Variants in MYO1E observed in about 807,000 individuals in gnomAD.
MYO1E encodes unconventional myosin-Ie.
A neutral mutation model predicts 151.1 loss-of-function variants in MYO1E; 68 were observed. The ratio of observed to expected loss-of-function variants is 0.45; its 90% CI spans 0.37 to 0.55. The LOEUF (loss-of-function observed/expected upper bound fraction) is 0.55, where lower values mean the gene tolerates loss of function less well. Among genes scored for constraint, MYO1E ranks in the 20% least tolerant of loss-of-function variants. The probability of loss-of-function intolerance (pLI) is 0.00; values close to 1 mark genes in which losing one functional copy is unlikely to be tolerated. For synonymous variants in MYO1E, 601 were observed against 501.7 expected (o/e 1.20, Z -2.64); for missense variants, 1,363 against 1,389.3 (o/e 0.98, Z 0.30).
intron 23 of MYO1E, among the ~76,000 whole-genome samples, chr15:59,161,646 G>A (rs577524764): frequency 1.3e-5 from 2 of 152,174 alleles, no homozygotes; most frequent in African/African-American, 4.8e-5. Context: ...GCCAGACACA[G>A]GCCAGCTTGA....
At chr15:59,150,363 A>G (rs1295464177) in intron 26 of MYO1E, among the ~76,000 whole-genome samples, 1 of 152,240 alleles carries the variant, frequency 6.6e-6, no homozygotes, top group Non-Finnish European at 1.5e-5. Context: ...GAGGGCTGGA[A>G]GGGAGCAGCC....
chr15:59,301,238 T>C (rs563960461), intron 1 of MYO1E, among the ~76,000 whole-genome samples: 15 of 152,338 alleles, frequency 9.8e-5, no homozygotes, highest in Admixed American at 7.8e-4. Context: ...TCCTAATTAA[T>C]GTCTCCACTC....
intron 1 of MYO1E, among the ~76,000 whole-genome samples, chr15:59,303,974 T>TTTTC (rs1235419670): frequency 1.3e-5 from 2 of 149,984 alleles, no homozygotes; most frequent in Non-Finnish European, 3.0e-5. Flanking sequence ...TTTCATTTTC[T>TTTTC]TTTCTTTCTT....
At position 59,217,213 on chromosome 15, in the gene MYO1E, G is replaced by A. The variant is rs149820846; in HGVS notation, c.1107+678C>T. Among the ~76,000 whole-genome samples, 999 of 152,292 alleles carry A rather than the reference G, an allele frequency of 6.6e-3. 3 individuals are homozygous for A. Among genetic ancestry groups the A allele is most frequent in the Non-Finnish European group, 8.4e-3 (574 of 68,026 alleles). ...AAATAAGTGCTTATGGTTTCAAGCCGCTAGGTTTTGGGTTAATTTGTAACA... is the reference window on the plus strand; with the variant it reads ...AAATAAGTGCTTATGGTTTCAAGCCACTAGGTTTTGGGTTAATTTGTAACA... On this transcript the variant is annotated intron_variant, in intron 10 of 27. Coordinates refer to ENST00000288235, the MANE Select transcript of MYO1E (RefSeq NM_004998.4).
At chr15:59,144,410 G>A (rs1480523064) in intron 26 of MYO1E, among the ~76,000 whole-genome samples, 9 of 151,680 alleles carry the variant, frequency 5.9e-5, no homozygotes, top group Non-Finnish European at 8.8e-5. Flanking sequence ...CAAGTGATCC[G>A]CCCGCCTCAG....
chr15:59,314,961 A>G (rs1355800082), intron 1 of MYO1E, among the ~76,000 whole-genome samples: 3 of 152,076 alleles, frequency 2.0e-5, no homozygotes, highest in Non-Finnish European at 4.4e-5. Context: ...ATTTTTCTAG[A>G]GAAGCTGGAA....
At chr15:59,270,138 T>G (rs184109248) in intron 2 of MYO1E, among the ~76,000 whole-genome samples, 291 of 152,324 alleles carry the variant, frequency 1.9e-3, no homozygotes, top group Admixed American at 3.9e-3. Flanking sequence ...AATAACGTAA[T>G]GTATATTTCA....
At chr15:59,145,551 T>A (rs947009499) in intron 26 of MYO1E, among the ~76,000 whole-genome samples, 5 of 152,112 alleles carry the variant, frequency 3.3e-5, no homozygotes, top group African/African-American at 1.2e-4. Flanking sequence ...CAAGCCCGGC[T>A]AATTTTTCTT....
chr15:59,195,629 G>A (rs1246609324), intron 16 of MYO1E, 62 bp from the exon 17 acceptor site: 11 of 1,410,424 alleles, frequency 7.8e-6, no homozygotes, highest in Middle Eastern at 1.8e-4. Flanking sequence ...AAATTTCAAA[G>A]GAGACTTGTA....
rs748877847 is a variant in MYO1E at position 59,217,932 on chromosome 15, C to T, written c.1066G>A (p.Ala356Thr). 8 of 1,614,062 alleles carry T rather than the reference C, an allele frequency of 5.0e-6. No individual in the cohort carries two copies. Among genetic ancestry groups the T allele is most frequent in the Admixed American group, 3.3e-5 (2 of 60,004 alleles). Residue 356 changes from alanine to threonine, a missense_variant, in exon 10 of 28, where the codon GCC becomes ACC. Physicochemically the swap from Ala to Thr is moderately conservative, Grantham distance 58. Transcript: ENST00000288235. Reference protein sequence around the residue: ...EQACYTRDALAKALHARVFDF... With the variant: ...EQACYTRDALTKALHARVFDF... Reference sequence around the variant, plus strand: ...AAGACCCGGGCGTGCAGGGCCTTGGCGAGCGCATCCCGGGTGTAACAGGCC... The same window carrying T: ...AAGACCCGGGCGTGCAGGGCCTTGGTGAGCGCATCCCGGGTGTAACAGGCC...
At chr15:59,149,592 C>T (rs921188928) in intron 26 of MYO1E, among the ~76,000 whole-genome samples, 14 of 152,296 alleles carry the variant, frequency 9.2e-5, no homozygotes, top group South Asian at 6.2e-4. Context: ...TTAGTGAAAT[C>T]TTCATGCTCT....
chr15:59,259,665 G>A (rs1403325813), intron 3 of MYO1E, among the ~76,000 whole-genome samples: 1 of 152,202 alleles, frequency 6.6e-6, no homozygotes, highest in Non-Finnish European at 1.5e-5. Flanking sequence ...TGGGCAGTGG[G>A]GGAAAGTCAT....
At chr15:59,202,261 G>T in intron 16 of MYO1E, 65 bp downstream of exon 16, 1 of 1,445,666 alleles carries the variant, frequency 6.9e-7, no homozygotes. Context: ...CAGGGGTGCA[G>T]TTCCTTACTC....
At chr15:59,142,112 A>G (rs2079413752) in intron 26 of MYO1E, among the ~76,000 whole-genome samples, 1 of 152,134 alleles carries the variant, frequency 6.6e-6, no homozygotes, top group Non-Finnish European at 1.5e-5. Context: ...ATCCCAAAAA[A>G]AAAAAAATTT....
In MYO1E at chr15:59,224,798, T is replaced by C. The variant is rs776188261; in HGVS notation, c.668A>G (p.Gln223Arg). Residue 223 changes from glutamine (Q) to arginine (R), a missense_variant, in exon 8 of 28, where the codon CAG (glutamine) becomes CGG (arginine). Coordinates refer to ENST00000288235, the MANE Select transcript of MYO1E (RefSeq NM_004998.4). ...GCTGGTGATGCCAAGGCTGTGTTTC[T>C]GCTCTGCAGAGGCGCCCTCGATGAG... ...YQLIEGASAE[Q>R]KHSLGITSMD... The C allele has an allele frequency of 8.7e-6, 14 of 1,614,124 alleles. No individual in the cohort carries two copies. Among genetic ancestry groups the C allele is most frequent in the Non-Finnish European group, 1.2e-5 (14 of 1,180,052 alleles).
At chr15:59,139,540 A>C in intron 26 of MYO1E, among the ~76,000 whole-genome samples, 2 of 126,894 alleles carry the variant, frequency 1.6e-5, no homozygotes, top group Non-Finnish European at 1.6e-5. Context: ...CCTCATTATT[A>C]CTCCTCAGAC....
intron 1 of MYO1E, among the ~76,000 whole-genome samples, chr15:59,306,271 A>C (rs1183495452): frequency 6.6e-6 from 1 of 152,212 alleles, no homozygotes; most frequent in Admixed American, 6.5e-5. Context: ...ACCTGATTGT[A>C]TATTTCTGTG....
chr15:59,219,055 C>G (rs2079937692), intron 9 of MYO1E, among the ~76,000 whole-genome samples: 1 of 152,156 alleles, frequency 6.6e-6, no homozygotes, highest in Non-Finnish European at 1.5e-5. Context: ...GAAGATTCCT[C>G]TGAGGGTAGC....
chr15:59,315,748 A>C (rs1159763320), intron 1 of MYO1E, among the ~76,000 whole-genome samples: 1 of 152,126 alleles, frequency 6.6e-6, no homozygotes, highest in African/African-American at 2.4e-5. Context: ...CTCTTCCTTG[A>C]ATTCTTTGCC....
Sources: allele counts gnomAD v4.1 joint callset (sites outside exome capture counted in the v4.1 genomes callset), GRCh38; gene constraint gnomAD v4.1.1; transcripts MANE v1.5; gene names NCBI Gene and HGNC (gene_info 2026-07-23, HGNC 2026-07-21).